SS18L1: variants seen among roughly 807,000 people sequenced by gnomAD.
SS18L1 encodes the protein calcium-responsive transactivator.
SS18L1 carries 32 observed loss-of-function variants against 70.3 expected under a neutral mutation model. That is an observed-to-expected ratio of 0.46 (90% CI 0.34 to 0.61). SS18L1 has a LOEUF of 0.61. SS18L1 is among the 20% of genes least tolerant of loss of function. The pLI is 0.01. For missense variants in SS18L1, 430 were observed against 542.1 expected (o/e 0.79, Z 2.05); for synonymous variants, 237 against 229.7 (o/e 1.03, Z -0.29).
At chr20:62,169,989 G>A (rs756475252) in intron 8 of SS18L1, among the ~76,000 whole-genome samples, 1 of 152,180 alleles carries the variant, frequency 6.6e-6, no homozygotes, top group Non-Finnish European at 1.5e-5. Flanking sequence ...TCTTCCCTGG[G>A]CAGTGCTGGG....
At chr20:62,146,046 G>A (rs951173864) in intron 1 of SS18L1, among the ~76,000 whole-genome samples, 6 of 148,818 alleles carry the variant, frequency 4.0e-5, no homozygotes, top group African/African-American at 1.3e-4. Flanking sequence ...ACAGCATTCT[G>A]CGTGGTAGTG....
At chr20:62,165,743 C>G (rs1204851763) in intron 8 of SS18L1, among the ~76,000 whole-genome samples, 2 of 151,834 alleles carry the variant, frequency 1.3e-5, no homozygotes, top group African/African-American at 4.8e-5. Context: ...ATTCAGCCGG[C>G]CATGCTGGGG....
In SS18L1 at chr20:62,159,014, A is replaced by G. The variant is rs2057277006; in HGVS notation, c.146+266A>G. 6.7e-7 allele frequency: 1 copy of G among 1,484,172 alleles called. No homozygotes were observed. The highest frequency in any genetic ancestry group is 9.1e-7 in the Non-Finnish European group (1 of 1,102,150). 91.9% of individuals were successfully genotyped at this position (1,484,172 alleles called of 1,614,324 possible). A position where few individuals can be genotyped will look rare whatever the true frequency, so the allele number is the denominator to read the frequency against. ...CCGAGAGTCCCCCAGCACGGAGGCC[A>G]GATATGTCCCGAGAGTCCCCCAGCA... On this transcript the variant is annotated intron_variant, in intron 2 of 10. Transcript: ENST00000331758. The surrounding 1 kb of genome is among the most constrained non-coding windows in gnomAD (Gnocchi z 4.4).
Position 62,159,997 on chromosome 20 carries a change from G to C in SS18L1, c.231+36G>C, listed in dbSNP as rs1274709581. 6.3e-6 allele frequency: 10 copies of C among 1,583,960 alleles called. No individual in the cohort carries two copies. Among genetic ancestry groups the C allele is most frequent in the Non-Finnish European group, 8.6e-6 (10 of 1,163,108 alleles). ...ACGGGGGGTTGGCCTCCTTTACCCA[G>C]CAAGGACTCCGACACTGCCTAAGAT... is the stretch of plus-strand genomic sequence containing the variant. On this transcript the variant is annotated intron_variant, in intron 3 of 10. Coordinates refer to ENST00000331758, the MANE Select transcript of SS18L1 (RefSeq NM_198935.3). The surrounding 1 kb of genome is among the most constrained non-coding windows in gnomAD (Gnocchi z 4.4).
chr20:62,153,856 A>G (rs77175667), intron 1 of SS18L1, among the ~76,000 whole-genome samples: 116 of 151,934 alleles, frequency 7.6e-4, no homozygotes, highest in Non-Finnish European at 1.4e-3. Flanking sequence ...GAGGCGCATC[A>G]TTTTATGGCC....
At position 62,162,885 on chromosome 20, in the gene SS18L1, C is replaced by A. The variant is rs375902112; in HGVS notation, c.510C>A (p.Ile170=). 5.6e-6 allele frequency: 9 copies of A among 1,612,814 alleles called. No homozygotes were observed. The highest frequency in any genetic ancestry group is 7.6e-6 in the Non-Finnish European group (9 of 1,179,958). The change falls in exon 5 of 11, where the codon ATC becomes ATA. Residue 170 remains isoleucine (I), a synonymous_variant. Coordinates refer to ENST00000331758, the MANE Select transcript of SS18L1 (RefSeq NM_198935.3). ...QGVPMQGQGT[I]GNYVSRTNIN... is the part of the protein sequence containing the mutation. The stretch of plus-strand genomic sequence containing the variant: ...TCCCCATGCAGGGGCAAGGCACCAT[C>A]GGCAACTACGTGTCTCGGACCAACA...
At chr20:62,168,736 C>T (rs2057478086) in intron 8 of SS18L1, among the ~76,000 whole-genome samples, 1 of 152,150 alleles carries the variant, frequency 6.6e-6, no homozygotes, top group Non-Finnish European at 1.5e-5. Context: ...ATAGCTTGAG[C>T]CCGGGAGGTC....
At chr20:62,170,473 T>G (rs965983640) in intron 8 of SS18L1, among the ~76,000 whole-genome samples, 1 of 152,180 alleles carries the variant, frequency 6.6e-6, no homozygotes, top group Non-Finnish European at 1.5e-5. Flanking sequence ...GCCACTGCAC[T>G]CCAGCCTGGG....
Position 62,162,738 on chromosome 20 carries a change from G to A in SS18L1, c.377-14G>A. On this transcript the variant is annotated splice_polypyrimidine_tract_variant and intron_variant, in intron 4 of 10. Coordinates refer to ENST00000331758, the MANE Select transcript of SS18L1 (RefSeq NM_198935.3). Reference sequence around the variant, plus strand: ...TCCCCAGTGCCTGACACCACTCCCTGCTCCCCATGCCAGGGCCGAGCCACG... The same window carrying A: ...TCCCCAGTGCCTGACACCACTCCCTACTCCCCATGCCAGGGCCGAGCCACG... 6.3e-7 allele frequency: 1 copy of A among 1,597,290 alleles called. No individual in the cohort carries two copies. The highest frequency in any genetic ancestry group is 1.3e-5 in the African/African-American group (1 of 74,702).
Position 62,174,763 on chromosome 20 carries a change from T to C in SS18L1, c.1164+119T>C. On this transcript the variant is annotated intron_variant, in intron 10 of 10. Coordinates refer to ENST00000331758, the MANE Select transcript of SS18L1 (RefSeq NM_198935.3). This position sits in a 1 kb window ranked among gnomAD's most constrained non-coding sequence, Gnocchi z 4.1. ...GGAACTAACTGGCTTCCAGGGTTCCTTCCAGAACGTTAAGTCTCTGAGCCT... is the reference window on the plus strand; with the variant it reads ...GGAACTAACTGGCTTCCAGGGTTCCCTCCAGAACGTTAAGTCTCTGAGCCT... 1 of 1,591,666 alleles carries C rather than the reference T, an allele frequency of 6.3e-7. No individual in the cohort carries two copies. The highest frequency in any genetic ancestry group is 8.6e-7 in the Non-Finnish European group (1 of 1,169,244).
intron 10 of SS18L1, among the ~76,000 whole-genome samples, chr20:62,177,754 G>A (rs1397686620): frequency 1.3e-5 from 2 of 152,174 alleles, no homozygotes; most frequent in African/African-American, 4.8e-5. Flanking sequence ...ATGGAGTCTT[G>A]CTCTGTTGCC....
rs1417907508 is a variant in SS18L1, at chr20:62,143,818, A to G, written c.-3A>G. 2 of 1,345,090 alleles carry G rather than the reference A, an allele frequency of 1.5e-6. No homozygotes were observed. Among genetic ancestry groups the G allele is most frequent in the Non-Finnish European group, 9.8e-7 (1 of 1,018,364 alleles). 83.3% of individuals were successfully genotyped at this position (1,345,090 alleles called of 1,614,324 possible). On this transcript the variant is annotated 5_prime_UTR_variant, in exon 1 of 11. Coordinates refer to ENST00000331758, the MANE Select transcript of SS18L1 (RefSeq NM_198935.3). The stretch of plus-strand genomic sequence containing the variant: ...ACCACGGGCTGAGCCCCGCGCCGCC[A>G]CCATGTCCGTGGCCTTCGCGTCTGC...
intron 1 of SS18L1, chr20:62,154,315 T>C: frequency 1.9e-6 from 2 of 1,043,826 alleles, no homozygotes; most frequent in Non-Finnish European, 2.3e-6. Flanking sequence ...TCGAGTGCCC[T>C]TGGTTTGGGT....
chr20:62,147,835 G>C (rs2057058634), intron 1 of SS18L1, among the ~76,000 whole-genome samples: 1 of 152,198 alleles, frequency 6.6e-6, no homozygotes, highest in African/African-American at 2.4e-5. Context: ...CCATGTCCTT[G>C]GTACCCAGGT....
In SS18L1 at chr20:62,146,701, C is replaced by A. The variant is rs1028463595; in HGVS notation, c.69+2812C>A. On this transcript the variant is annotated intron_variant, in intron 1 of 10. Transcript: ENST00000331758. ...CTCGGGCTCACAACCTCCGCGCCCC[C>A]GCCCACGTTCAAGGTTCAAGCGATT... 1.2e-4 allele frequency among the ~76,000 whole-genome samples: 18 copies of A among 151,476 alleles called. No individual in the cohort carries two copies. The South Asian group carries it at 3.3e-3, about 28-fold the overall frequency.
Position 62,179,657 on chromosome 20 carries a change from A to C in SS18L1, c.*449A>C, listed in dbSNP as rs1181638060. 7.5e-6 allele frequency: 1 copy of C among 133,018 alleles called. No individual in the cohort carries two copies. The highest frequency in any genetic ancestry group is 1.5e-5 in the Non-Finnish European group (1 of 66,508). The allele number at this position is 133,018 out of a possible 1,614,324, so 8.2% of individuals were successfully genotyped here. A position where few individuals can be genotyped will look rare whatever the true frequency, so the allele number is the denominator to read the frequency against. On this transcript the variant is annotated 3_prime_UTR_variant, in exon 11 of 11. Coordinates refer to ENST00000331758, the MANE Select transcript of SS18L1 (RefSeq NM_198935.3). Reference sequence around the variant, plus strand: ...GTTGTCAACTTTTCTTTAACTGGCTACGCCACAGCTGGACACACATGCAGC... The same window carrying C: ...GTTGTCAACTTTTCTTTAACTGGCTCCGCCACAGCTGGACACACATGCAGC...
rs975976549 is a variant in SS18L1, at chr20:62,181,373, A to G, written c.*2165A>G. 4.8e-6 allele frequency: 1 copy of G among 207,222 alleles called. No homozygotes were observed. Among genetic ancestry groups the G allele is most frequent in the African/African-American group, 2.3e-5 (1 of 43,852 alleles). 12.8% of individuals were successfully genotyped at this position (207,222 alleles called of 1,614,324 possible). A position where few individuals can be genotyped will look rare whatever the true frequency, so the allele number is the denominator to read the frequency against. ...TTCATAGACCTAATTTGCAAACTCA[A>G]TCGGGGACTAAAATTTCCCACTGAA... On this transcript the variant is annotated 3_prime_UTR_variant, in exon 11 of 11. Coordinates refer to ENST00000331758, the MANE Select transcript of SS18L1 (RefSeq NM_198935.3).
intron 8 of SS18L1, among the ~76,000 whole-genome samples, chr20:62,166,758 C>CT (rs2057439032): frequency 6.6e-6 from 1 of 151,356 alleles, no homozygotes; most frequent in African/African-American, 2.4e-5. Flanking sequence ...AACCCCGTCT[C>CT]TACTAAAAAT....
intron 1 of SS18L1, among the ~76,000 whole-genome samples, chr20:62,147,325 C>T (rs1011869661): frequency 2.6e-5 from 4 of 152,134 alleles, no homozygotes; most frequent in East Asian, 1.9e-4. Flanking sequence ...GGGAACCCTG[C>T]GGTGGGGCTG....
Sources: allele counts gnomAD v4.1 joint callset (sites outside exome capture counted in the v4.1 genomes callset), GRCh38; gene constraint gnomAD v4.1.1; non-coding constraint Gnocchi (gnomAD v3.1); transcripts MANE v1.5; gene names NCBI Gene and HGNC (gene_info 2026-07-23, HGNC 2026-07-21).